Variants in MYH14 observed in about 807,000 individuals in gnomAD.
The protein encoded by MYH14 is myosin heavy chain 14.
In MYH14, 123 loss-of-function variants were observed where a neutral mutation model predicts 255.5. The observed-to-expected ratio is 0.48, with a 90% CI of 0.42 to 0.56. The LOEUF is 0.56. Ranked by LOEUF, MYH14 falls within the 20% of genes least tolerant of loss-of-function variation. The pLI is 0.00. For synonymous variants in MYH14, 1,095 were observed against 1,161.2 expected, an observed-to-expected ratio of 0.94 and a Z score of 1.16; for missense variants, 2,423 against 2,802.3, an observed-to-expected ratio of 0.86 and a Z score of 3.06.
rs1386011754 is a variant in MYH14, at chr19:50,310,109, A to G, written c.*319A>G. 2.4e-6 allele frequency: 1 copy of G among 425,104 alleles called. No individual in the cohort carries two copies. Among genetic ancestry groups the G allele is most frequent in the African/African-American group, 2.1e-5 (1 of 48,412 alleles). The allele number at this position is 425,104 out of a possible 1,614,324, so 26.3% of individuals were successfully genotyped here. On this transcript the variant is annotated 3_prime_UTR_variant, in exon 43 of 43. Transcript: ENST00000642316. ...CTTCCCTCGTTATTGATCTATAGAC[A>G]TTAGGAAGGGAGTGAGACGGCTCCT...
chr19:50,281,761 G>T lies in MYH14; in HGVS notation c.4458G>T (p.Glu1486Asp). 1 of 1,612,496 alleles carries T rather than the reference G, an allele frequency of 6.2e-7. No individual in the cohort carries two copies. The highest frequency in any genetic ancestry group is 1.7e-5 in the Admixed American group (1 of 59,968). Reference sequence around the variant, plus strand: ...GGGGCCGCCGCCGGCTGCAGCAGGAGCTGGACGACGCCACCATGGACCTGG... The same window carrying T: ...GGGGCCGCCGCCGGCTGCAGCAGGATCTGGACGACGCCACCATGGACCTGG... Reference protein sequence around the residue: ...LERGRRRLQQELDDATMDLEQ... With the variant: ...LERGRRRLQQDLDDATMDLEQ... The change falls in exon 33 of 43, where the codon GAG becomes GAT. Residue 1486 changes from glutamate to aspartate, a missense_variant. This residue lies in a region of MYH14 where 1,513 missense variants were observed against 1,674.8 expected (regional missense o/e 0.90). Transcript: ENST00000642316.
chr19:50,263,189 A>C, intron 21 of MYH14, 123 bp from the exon 22 acceptor site: 1 of 680,960 alleles, frequency 1.5e-6, no homozygotes, highest in Non-Finnish European at 2.3e-6. Context: ...ACAGAGCAAG[A>C]CTCTGTCTCA....
rs930926600 is a variant in MYH14, at chr19:50,309,041, C to T, written c.5824C>T (p.Arg1942Trp). ...AAACCTTCGAGTCAAGCAGCTGAAG[C>T]GGCAGCTGGAGGAGGCCGAGGAGGA... ...KGNLRVKQLKRQLEEAEEEAS... is the reference protein window; with the variant it reads ...KGNLRVKQLKWQLEEAEEEAS... Residue 1942 changes from arginine to tryptophan, a missense_variant, in exon 42 of 43, where the codon CGG becomes TGG. Arg to Trp is a moderately radical substitution (Grantham distance 101). Around this residue, in one of 3 missense-constraint regions of MYH14, gnomAD observed 1,513 missense variants for 1,674.8 expected, o/e 0.90. Coordinates refer to ENST00000642316, the MANE Select transcript of MYH14 (RefSeq NM_001145809.2). 16 of 1,613,102 alleles carry T rather than the reference C, an allele frequency of 9.9e-6. No individual in the cohort carries two copies. Among genetic ancestry groups the T allele is most frequent in the Middle Eastern group, 1.7e-4 (1 of 6,058 alleles).
chr19:50,255,555 G>A (rs773790844), intron 17 of MYH14, among the ~76,000 whole-genome samples: 7 of 152,214 alleles, frequency 4.6e-5, no homozygotes, highest in East Asian at 1.9e-4. Context: ...ACCAGCTCGC[G>A]TTTCTTGAGC....
In MYH14 at chr19:50,250,931, G is replaced by A. The variant is rs924752564; in HGVS notation, c.1830+243G>A. Among the ~76,000 whole-genome samples the A allele has an allele frequency of 6.6e-5, 10 of 152,284 alleles. No individual in the cohort carries two copies. The South Asian group carries it at 8.3e-4, about 13-fold the overall frequency. Reference sequence around the variant, plus strand: ...GATGGGTAGGAGTTCATCAGGAGGCGATCTATGTGCATTTTATCCACTTAT... The same window carrying A: ...GATGGGTAGGAGTTCATCAGGAGGCAATCTATGTGCATTTTATCCACTTAT... On this transcript the variant is annotated intron_variant, in intron 15 of 42. Transcript: ENST00000642316. This position sits in a 1 kb window ranked among gnomAD's most constrained non-coding sequence, Gnocchi z 5.4.
intron 24 of MYH14, among the ~76,000 whole-genome samples, chr19:50,271,129 C>T (rs563190211): frequency 2.0e-5 from 3 of 152,012 alleles, no homozygotes; most frequent in African/African-American, 7.2e-5. Context: ...TGCAGTGGTG[C>T]GGTCATCTCT....
chr19:50,216,481 G>C (rs1282932256), intron 2 of MYH14, among the ~76,000 whole-genome samples: 1 of 152,032 alleles, frequency 6.6e-6, no homozygotes, highest in African/African-American at 2.4e-5. Flanking sequence ...ACACACACTT[G>C]TGATCCCAGC....
chr19:50,278,227 G>A lies in MYH14; in HGVS notation c.3970G>A (p.Gly1324Ser). Residue 1324 changes from glycine (G) to serine (S), a missense_variant, in exon 30 of 43, where the codon GGC (glycine) becomes AGC (serine). This residue lies in a region of MYH14 where 1,513 missense variants were observed against 1,674.8 expected (regional missense o/e 0.90). Transcript: ENST00000642316. ...GGAGTTACAGCTGCAGGAGGTGCAGGGCCGGGCTGGTGATGGGGAGAGGGC... is the reference window on the plus strand; with the variant it reads ...GGAGTTACAGCTGCAGGAGGTGCAGAGCCGGGCTGGTGATGGGGAGAGGGC... ...RLELQLQEVQ[G>S]RAGDGERARA... The A allele has an allele frequency of 1.9e-6, 3 of 1,601,834 alleles. No individual in the cohort carries two copies. Among genetic ancestry groups the A allele is most frequent in the Non-Finnish European group, 8.5e-7 (1 of 1,175,108 alleles).
chr19:50,253,538 C>T (rs2034479978), intron 16 of MYH14, among the ~76,000 whole-genome samples: 1 of 152,068 alleles, frequency 6.6e-6, no homozygotes, highest in Admixed American at 6.6e-5. Flanking sequence ...TTAGGCTTTG[C>T]TTTCTTTGTT....
intron 21 of MYH14, 99 bp downstream of exon 21, chr19:50,261,734 G>A (rs2123354791): frequency 8.4e-7 from 1 of 1,193,546 alleles, no homozygotes; most frequent in African/African-American, 1.6e-5. Context: ...CAGGATGGGT[G>A]CAGGGCTGAG....
At position 50,271,430 on chromosome 19, in the gene MYH14, G is replaced by A. The variant is rs1196648969; in HGVS notation, c.3055G>A (p.Ala1019Thr). 6.2e-7 allele frequency: 1 copy of A among 1,605,438 alleles called. No individual in the cohort carries two copies. ...CCAGGAGCTAGAGGCCCACCTTGAG[G>A]CTGAGGAGGGTGCGCGGCAGAAGCT... is the stretch of plus-strand genomic sequence containing the variant. ...HIQELEAHLE[A>T]EEGARQKLQL... The change falls in exon 25 of 43, where the codon GCT becomes ACT. Residue 1019 changes from alanine to threonine, a missense_variant. Around this residue, in one of 3 missense-constraint regions of MYH14, gnomAD observed 1,513 missense variants for 1,674.8 expected, o/e 0.90. Transcript: ENST00000642316.
Position 50,210,393 on chromosome 19 carries a change from G to T in MYH14, c.28G>T (p.Gly10Trp). MAAVTMSVP[G>W]RKAPPRPGPV... ...GGCAGCCGTGACCATGTCGGTGCCC[G>T]GGCGGAAGGCGCCCCCCAGGCCGGG... is the stretch of plus-strand genomic sequence containing the variant. Residue 10 changes from glycine to tryptophan, a missense_variant, in exon 2 of 43, where the codon GGG (glycine) becomes TGG (tryptophan). Around this residue, in one of 3 missense-constraint regions of MYH14, gnomAD observed 238 missense variants for 245.8 expected, o/e 0.97. Coordinates refer to ENST00000642316, the MANE Select transcript of MYH14 (RefSeq NM_001145809.2). The T allele has an allele frequency of 6.3e-7, 1 of 1,583,310 alleles. No individual in the cohort carries two copies. The highest frequency in any genetic ancestry group is 8.6e-7 in the Non-Finnish European group (1 of 1,166,534).
rs73058373 is a variant in MYH14, at chr19:50,291,223, T to C, written c.5127+175T>C. 0.052 allele frequency among the ~76,000 whole-genome samples: 7,936 copies of C among 152,272 alleles called. 279 individuals carry two copies. The highest frequency in any genetic ancestry group is 0.077 in the South Asian group (374 of 4,826). ...CCAGAGGCTGGCTTCCTTCTTCTTC[T>C]ATTTTACATTTCTTTCATTTAAAAT... On this transcript the variant is annotated intron_variant, in intron 36 of 42. Coordinates refer to ENST00000642316, the MANE Select transcript of MYH14 (RefSeq NM_001145809.2).
chr19:50,255,605 A>G (rs1177793088), intron 17 of MYH14, among the ~76,000 whole-genome samples: 1 of 152,144 alleles, frequency 6.6e-6, no homozygotes, highest in Non-Finnish European at 1.5e-5. Context: ...CCCCTTTAGA[A>G]TTATCAACAC....
rs773117828 is a variant in MYH14 at position 50,272,697 on chromosome 19, C to G, written c.3433C>G (p.Arg1145Gly). The G allele has an allele frequency of 6.4e-7, 1 of 1,551,770 alleles. No individual in the cohort carries two copies. The highest frequency in any genetic ancestry group is 1.2e-5 in the South Asian group (1 of 84,094). Reference protein sequence around the residue: ...RAEELRAQLGRKEEELQAALA... With the variant: ...RAEELRAQLGGKEEELQAALA... ...AGAGGAGCTGCGGGCCCAGCTGGGCCGGAAGGAGGAGGAGCTGCAGGCTGC... is the reference window on the plus strand; with the variant it reads ...AGAGGAGCTGCGGGCCCAGCTGGGCGGGAAGGAGGAGGAGCTGCAGGCTGC... Residue 1145 changes from arginine to glycine, a missense_variant, in exon 27 of 43, where the codon CGG (arginine) becomes GGG (glycine). Around this residue, in one of 3 missense-constraint regions of MYH14, gnomAD observed 1,513 missense variants for 1,674.8 expected, o/e 0.90. Transcript: ENST00000642316.
chr19:50,261,820 G>A (rs1490841837), intron 21 of MYH14, among the ~76,000 whole-genome samples, 185 bp downstream of exon 21: 1 of 152,078 alleles, frequency 6.6e-6, no homozygotes, highest in African/African-American at 2.4e-5. Context: ...GGGCAGGGCA[G>A]GCCCTGTTCA....
At chr19:50,207,271 C>CAGAGACAGAGAGAG (rs2031835976) in intron 1 of MYH14, among the ~76,000 whole-genome samples, 1 of 76,804 alleles carries the variant, frequency 1.3e-5, no homozygotes, top group African/African-American at 5.1e-5. Context: ...GAGAGAGAGA[C>CAGAGACAGAGAGAG]AGAGAGAGAG....
intron 39 of MYH14, among the ~76,000 whole-genome samples, chr19:50,300,605 C>A (rs2036447265): frequency 6.6e-6 from 1 of 151,990 alleles, no homozygotes; most frequent in East Asian, 1.9e-4. Flanking sequence ...AAAAATTAGC[C>A]AGTTGTGGTG....
intron 30 of MYH14, 129 bp downstream of exon 30, chr19:50,278,418 A>G (rs1318034166): frequency 1.6e-6 from 1 of 638,484 alleles, no homozygotes; most frequent in African/African-American, 1.9e-5. Context: ...AATCATGTAC[A>G]AGTCTGGGCA....
Sources: gnomAD v4.1 joint callset for allele counts (sites outside exome capture counted in the v4.1 genomes callset) on GRCh38, gnomAD v4.1.1 for gene constraint, gnomAD v4.1.1 regional missense constraint, Gnocchi (gnomAD v3.1) non-coding constraint, MANE v1.5 for transcripts, NCBI Gene and HGNC (gene_info 2026-07-23, HGNC 2026-07-21) for gene names.